Variants in IGF2BP3 observed in about 807,000 individuals in gnomAD.
IGF2BP3 encodes insulin-like growth factor 2 mRNA-binding protein 3.
A neutral mutation model predicts 73.8 loss-of-function variants in IGF2BP3; 9 were observed. That is an observed-to-expected ratio of 0.12 (90% confidence interval 0.07 to 0.21). The LOEUF (loss-of-function observed/expected upper bound fraction) is 0.21. Among genes scored for constraint, IGF2BP3 ranks in the 10% least tolerant of loss-of-function variants. The pLI is 1.00. For missense variants in IGF2BP3, 542 were observed against 714.0 expected, an observed-to-expected ratio of 0.76 and a Z score of 2.75; for synonymous variants, 258 against 256.7, an observed-to-expected ratio of 1.01 and a Z score of -0.05.
chr7:23,384,015 G>A (rs1785999789), intron 3 of IGF2BP3, among the ~76,000 whole-genome samples: 1 of 145,960 alleles, frequency 6.9e-6, no homozygotes, highest in Non-Finnish European at 1.5e-5. Flanking sequence ...ACAATGGCAT[G>A]AACCTGGGAG....
chr7:23,387,094 A>T (rs563686382), intron 3 of IGF2BP3, among the ~76,000 whole-genome samples: 5 of 151,630 alleles, frequency 3.3e-5, no homozygotes, highest in Admixed American at 6.6e-5. Context: ...AAGAAAGAAA[A>T]AGGAAGGAAG....
At chr7:23,323,700 C>T (rs1784218884) in intron 10 of IGF2BP3, among the ~76,000 whole-genome samples, 2 of 152,120 alleles carry the variant, frequency 1.3e-5, no homozygotes, top group Non-Finnish European at 1.5e-5. Flanking sequence ...TGTAAAATAA[C>T]AGAAATTAAA....
At chr7:23,333,523 A>C (rs1784493314) in intron 10 of IGF2BP3, among the ~76,000 whole-genome samples, 1 of 152,224 alleles carries the variant, frequency 6.6e-6, no homozygotes. Context: ...TAACAAACCC[A>C]AAATGAAGCT....
At chr7:23,337,119 A>T (rs1030738722) in intron 10 of IGF2BP3, among the ~76,000 whole-genome samples, 2 of 152,194 alleles carry the variant, frequency 1.3e-5, no homozygotes, top group Admixed American at 1.3e-4. Flanking sequence ...CAAAGTCTAA[A>T]AATAGTGAAG....
At chr7:23,421,548 T>C (rs919371215) in intron 2 of IGF2BP3, among the ~76,000 whole-genome samples, 2 of 150,722 alleles carry the variant, frequency 1.3e-5, no homozygotes, top group African/African-American at 4.9e-5. Context: ...CAAAATTAGC[T>C]GGGCATGGTG....
chr7:23,392,493 T>C (rs1217157424), intron 3 of IGF2BP3, among the ~76,000 whole-genome samples: 4 of 148,816 alleles, frequency 2.7e-5, no homozygotes, highest in Admixed American at 1.3e-4. Context: ...TATACACACA[T>C]ACACACATAT....
intron 3 of IGF2BP3, among the ~76,000 whole-genome samples, chr7:23,371,834 G>C (rs975627769): frequency 2.0e-5 from 3 of 152,138 alleles, no homozygotes; most frequent in Non-Finnish European, 2.9e-5. Flanking sequence ...GGAGTCATGT[G>C]ATCAGAGCCT....
In IGF2BP3 at chr7:23,312,095, C is replaced by T; in HGVS notation, c.*267G>A. The T allele has an allele frequency of 2.2e-6, 1 of 448,718 alleles. No homozygotes were observed. 27.8% of individuals were successfully genotyped at this position (448,718 alleles called of 1,614,324 possible). A position where few individuals can be genotyped will look rare whatever the true frequency, so the allele number is the denominator to read the frequency against. On this transcript the variant is annotated 3_prime_UTR_variant, in exon 15 of 15. Transcript: ENST00000258729. Reference sequence around the variant, plus strand: ...TGTGAGACTACAACAAAGGGAAGTGCAGAGCTCTTCTCTTTCCCTCCCTCC... The same window carrying T: ...TGTGAGACTACAACAAAGGGAAGTGTAGAGCTCTTCTCTTTCCCTCCCTCC...
At chr7:23,405,317 A>C (rs1335557633) in intron 3 of IGF2BP3, among the ~76,000 whole-genome samples, 1 of 152,246 alleles carries the variant, frequency 6.6e-6, no homozygotes, top group Non-Finnish European at 1.5e-5. Flanking sequence ...TAAAAAATCT[A>C]GACAGAAAGT....
intron 5 of IGF2BP3, among the ~76,000 whole-genome samples, chr7:23,359,947 T>A (rs1785184133): frequency 6.6e-6 from 1 of 151,920 alleles, no homozygotes; most frequent in Non-Finnish European, 1.5e-5. Context: ...CTTATATAAA[T>A]TGCCAAAAAA....
intron 3 of IGF2BP3, among the ~76,000 whole-genome samples, chr7:23,408,213 A>T (rs1044620727): frequency 2.7e-5 from 4 of 150,106 alleles, no homozygotes; most frequent in African/African-American, 9.9e-5. Context: ...GTCAACTCTC[A>T]TTGGAGGTCC....
chr7:23,370,300 A>C (rs1238497289), intron 3 of IGF2BP3, among the ~76,000 whole-genome samples: 3 of 152,216 alleles, frequency 2.0e-5, no homozygotes, highest in African/African-American at 7.2e-5. Flanking sequence ...GTGTCACAGT[A>C]ATCTAGTTTT....
intron 10 of IGF2BP3, among the ~76,000 whole-genome samples, chr7:23,323,033 C>A (rs1273160105): frequency 6.6e-6 from 1 of 152,078 alleles, no homozygotes; most frequent in Non-Finnish European, 1.5e-5. Context: ...AAATAACCAG[C>A]TAACATCATA....
intron 2 of IGF2BP3, among the ~76,000 whole-genome samples, chr7:23,433,195 T>A (rs79103507): frequency 0.019 from 2,918 of 152,272 alleles, 93 homozygotes; most frequent in African/African-American, 0.067. Flanking sequence ...ATTCCCATAC[T>A]TTTCCATAGC....
At chr7:23,446,449 G>C (rs1045989435) in intron 2 of IGF2BP3, among the ~76,000 whole-genome samples, 4 of 152,076 alleles carry the variant, frequency 2.6e-5, no homozygotes, top group Non-Finnish European at 5.9e-5. Flanking sequence ...TGAAATCCCA[G>C]CTATTCGGGA....
At chr7:23,442,245 A>G (rs1209204032) in intron 2 of IGF2BP3, among the ~76,000 whole-genome samples, 1 of 152,252 alleles carries the variant, frequency 6.6e-6, no homozygotes, top group Admixed American at 6.5e-5. Context: ...ACATAAGTTG[A>G]AAGAAAATGA....
intron 2 of IGF2BP3, among the ~76,000 whole-genome samples, chr7:23,449,206 A>G (rs545002542): frequency 1.3e-5 from 2 of 152,130 alleles, no homozygotes; most frequent in South Asian, 4.2e-4. Context: ...GTTATGATGT[A>G]AATACATATT....
intron 3 of IGF2BP3, among the ~76,000 whole-genome samples, chr7:23,399,895 A>T (rs941191403): frequency 1.3e-5 from 2 of 152,192 alleles, no homozygotes; most frequent in Non-Finnish European, 2.9e-5. Context: ...AGTCACTTTA[A>T]AATTCCTAAG....
intron 5 of IGF2BP3, among the ~76,000 whole-genome samples, chr7:23,352,827 G>A (rs755557359): frequency 2.6e-5 from 4 of 152,058 alleles, no homozygotes; most frequent in Non-Finnish European, 5.9e-5. Flanking sequence ...AAATATATAT[G>A]AGTATACATG....
Sources: gnomAD v4.1 joint callset for allele counts (sites outside exome capture counted in the v4.1 genomes callset) on GRCh38, gnomAD v4.1.1 for gene constraint, MANE v1.5 for transcripts, NCBI Gene and HGNC (gene_info 2026-07-23, HGNC 2026-07-21) for gene names.